TJP1: variants seen among roughly 807,000 people sequenced by gnomAD.
The protein encoded by TJP1 is tight junction protein 1, also known as tight junction protein ZO-1.
In TJP1, 43 loss-of-function variants were observed where a neutral mutation model predicts 194.2. The observed-to-expected ratio is 0.22, with a 90% confidence interval of 0.17 to 0.29. The LOEUF is 0.29. Ranked by LOEUF, TJP1 falls within the 10% of genes least tolerant of loss-of-function variation. The probability of loss-of-function intolerance (pLI) is 1.00; values close to 1 mark genes in which losing one functional copy is unlikely to be tolerated. For missense variants in TJP1, 1,971 were observed against 2,185.7 expected (o/e 0.90, Z 1.96); for synonymous variants, 801 against 779.0 (o/e 1.03, Z -0.47).
At chr15:29,852,885 C>T (rs2051698655) in intron 2 of TJP1, among the ~76,000 whole-genome samples, 1 of 151,672 alleles carries the variant, frequency 6.6e-6, no homozygotes, top group Non-Finnish European at 1.5e-5. Flanking sequence ...GCCTGGGCAA[C>T]CACAGCGAAA....
intron 1 of TJP1, among the ~76,000 whole-genome samples, chr15:29,812,636 A>G (rs2049604286): frequency 6.6e-6 from 1 of 152,192 alleles, no homozygotes; most frequent in African/African-American, 2.4e-5. Context: ...CACGAACATA[A>G]AAGGATGTGA....
At chr15:29,933,695 T>C (rs1177928691) in intron 2 of TJP1, among the ~76,000 whole-genome samples, 1 of 152,048 alleles carries the variant, frequency 6.6e-6, no homozygotes, top group African/African-American at 2.4e-5. Flanking sequence ...TTTCAAGATA[T>C]TAGAGATCTG....
intron 2 of TJP1, among the ~76,000 whole-genome samples, chr15:29,862,059 G>A (rs763606230): frequency 6.6e-6 from 1 of 152,080 alleles, no homozygotes; most frequent in Non-Finnish European, 1.5e-5. Flanking sequence ...TCCTTTACAG[G>A]TAGATATACA....
chr15:29,832,755 T>C (rs921761285), intron 2 of TJP1, among the ~76,000 whole-genome samples: 2 of 152,244 alleles, frequency 1.3e-5, no homozygotes, highest in African/African-American at 2.4e-5. Flanking sequence ...AGATAAACTA[T>C]GTAGAACTTT....
At position 29,766,505 on chromosome 15, in the gene TJP1, C is replaced by T. The variant is rs555935518; in HGVS notation, c.350G>A (p.Ser117Asn). ...AGATACTGGTTCAGGATCAGGACGA[C>T]TTACTGGTATTTGAACTTTCTTCTT... ...RRKKKVQIPV[S>N]RPDPEPVSDN... The change falls in exon 5 of 28, where the codon AGT (serine) becomes AAT (asparagine). Residue 117 changes from serine (S) to asparagine (N), a missense_variant. By Grantham distance (46) the Ser-to-Asn change is conservative (BLOSUM62 1). Transcript: ENST00000614355. The T allele has an allele frequency of 1.3e-5, 21 of 1,588,240 alleles. No homozygotes were observed. In the East Asian group the frequency reaches 4.5e-4, roughly 34 times the overall value.
At chr15:29,720,294 T>C in intron 19 of TJP1, 64 bp downstream of exon 19, 1 of 1,352,786 alleles carries the variant, frequency 7.4e-7, no homozygotes, top group Non-Finnish European at 1.0e-6. Flanking sequence ...TTTAACTCAA[T>C]CACCACATTC....
At chr15:29,731,079 C>CCTTTTTTTTTTTTTT (rs1472574240) in intron 15 of TJP1, 1 of 545,176 alleles carries the variant, frequency 1.8e-6, no homozygotes, top group African/African-American at 2.2e-5. Flanking sequence ...TTTTGTTTTA[C>CCTTTTTTTTTTTTTT]TTTTTTTTTT....
intron 2 of TJP1, among the ~76,000 whole-genome samples, chr15:29,796,215 T>C (rs2048390452): frequency 6.6e-6 from 1 of 151,486 alleles, no homozygotes; most frequent in East Asian, 1.9e-4. Flanking sequence ...TAAAGAGCAT[T>C]CAAAAGGAGG....
At chr15:29,846,819 A>C (rs1719027) in intron 2 of TJP1, among the ~76,000 whole-genome samples, 55,887 of 151,644 alleles carry the variant, frequency 0.37, 10,856 homozygotes, top group African/African-American at 0.49. Context: ...CCAGCTACTC[A>C]GGAGGCTGCG....
chr15:29,728,100 G>C (rs2151204371), intron 15 of TJP1, 81 bp from the exon 16 acceptor site: 1 of 1,131,676 alleles, frequency 8.8e-7, no homozygotes, highest in Admixed American at 1.7e-5. Context: ...GGCCACAACT[G>C]ATATGCCGGA....
intron 2 of TJP1, among the ~76,000 whole-genome samples, chr15:29,785,231 A>G (rs1378250735): frequency 1.3e-5 from 2 of 152,222 alleles, no homozygotes; most frequent in African/African-American, 4.8e-5. Context: ...ATGAGCAGCA[A>G]TAACTTCTGT....
At chr15:29,860,804 A>G (rs1042257723) in intron 2 of TJP1, among the ~76,000 whole-genome samples, 1 of 152,190 alleles carries the variant, frequency 6.6e-6, no homozygotes, top group Non-Finnish European at 1.5e-5. Flanking sequence ...GGTTTATGGC[A>G]ACCCTGTATC....
intron 1 of TJP1, among the ~76,000 whole-genome samples, chr15:29,817,172 A>C (rs2049984366): frequency 2.6e-5 from 4 of 152,246 alleles, no homozygotes; most frequent in Admixed American, 2.0e-4. Flanking sequence ...TCTCAAAAGA[A>C]GACATTTATG....
intron 1 of TJP1, among the ~76,000 whole-genome samples, chr15:29,813,468 G>C (rs968983428): frequency 6.6e-6 from 1 of 152,138 alleles, no homozygotes; most frequent in Admixed American, 6.5e-5. Flanking sequence ...ATACCATGAA[G>C]TACAAGAACT....
At chr15:29,801,084 G>C (rs1002923257) in intron 1 of TJP1, among the ~76,000 whole-genome samples, 5 of 152,154 alleles carry the variant, frequency 3.3e-5, no homozygotes, top group Admixed American at 3.3e-4. Context: ...CAAACGAAGG[G>C]AAAGTTAAAT....
At chr15:29,741,293 T>C in intron 10 of TJP1, 38 bp downstream of exon 10, 1 of 1,469,820 alleles carries the variant, frequency 6.8e-7, no homozygotes, top group African/African-American at 1.4e-5. Flanking sequence ...ATGTTAATAA[T>C]GAACAAAGAA....
At chr15:29,841,504 C>G (rs1400407386) in intron 2 of TJP1, among the ~76,000 whole-genome samples, 1 of 152,152 alleles carries the variant, frequency 6.6e-6, no homozygotes, top group Non-Finnish European at 1.5e-5. Context: ...TATGAAAAGG[C>G]TGCATTTCTT....
In TJP1 at chr15:29,799,526, C is replaced by T. The variant is rs545099071; in HGVS notation, c.84+1120G>A. 1.4e-4 allele frequency among the ~76,000 whole-genome samples: 21 copies of T among 151,832 alleles called. 1 individual carries two copies. The South Asian group carries it at 3.1e-3, about 23-fold the overall frequency. On this transcript the variant is annotated intron_variant, in intron 2 of 27. Coordinates refer to ENST00000614355, the MANE Select transcript of TJP1 (RefSeq NM_001330239.4). ...GCCTCCTGGGTTCACGCCATTCTCC[C>T]GCCTCAGCCTCCCGAGTAGCTGGGA...
intron 2 of TJP1, 26 bp from the exon 3 acceptor site, chr15:29,773,383 T>C (rs1046867531): frequency 4.3e-6 from 7 of 1,610,332 alleles, no homozygotes; most frequent in Middle Eastern, 1.6e-4. Flanking sequence ...CAGTAAAATA[T>C]TGCTATTAAG....
Sources: allele counts gnomAD v4.1 joint callset (sites outside exome capture counted in the v4.1 genomes callset), GRCh38; gene constraint gnomAD v4.1.1; transcripts MANE v1.5; gene names NCBI Gene and HGNC (gene_info 2026-07-23, HGNC 2026-07-21).